HOXC6: variants seen among roughly 807,000 people sequenced by gnomAD.
The protein encoded by HOXC6 is homeobox C6, also known as homeobox protein Hox-C6.
HOXC6 carries 10 observed loss-of-function variants against 24.0 expected under a neutral mutation model. That is an observed-to-expected ratio of 0.42 (90% CI 0.26 to 0.71). HOXC6 has a LOEUF of 0.71. Ranked by LOEUF, HOXC6 falls within the 30% of genes least tolerant of loss-of-function variation. HOXC6 has a pLI of 0.28. For synonymous variants in HOXC6, 123 were observed against 128.1 expected (o/e 0.96, Z 0.27); for missense variants, 258 against 303.4 (o/e 0.85, Z 1.11).
At chr12:54,020,301 C>G (rs1940375865) in intron 1 of HOXC6, 1 of 152,278 alleles carries the variant, frequency 6.6e-6, no homozygotes, top group Admixed American at 6.5e-5. Context: ...TGGAGCCTCC[C>G]CCTCTGAGCC....
At position 54,029,683 on chromosome 12, in the gene HOXC6, C is replaced by T; in HGVS notation, c.429C>T (p.Arg143=). The part of the protein sequence containing the change: ...SGVGYGADRR[R]GRQIYSRYQT... ...TCGGCTACGGAGCGGACCGGAGGCG[C>T]GGCCGCCAGATCTACTCGCGGTACC... is the stretch of plus-strand genomic sequence containing the variant. The change falls in exon 2 of 2, where the codon CGC becomes CGT. Residue 143 remains arginine, a synonymous_variant. Transcript: ENST00000243108. 1 of 1,613,592 alleles carries T rather than the reference C, an allele frequency of 6.2e-7. No homozygotes were observed. Among genetic ancestry groups the T allele is most frequent in the South Asian group, 1.1e-5 (1 of 91,056 alleles).
chr12:54,020,007 C>G (rs555376134), intron 1 of HOXC6: 2 of 152,308 alleles, frequency 1.3e-5, no homozygotes, highest in Non-Finnish European at 2.9e-5. Flanking sequence ...CCAGTGGACT[C>G]CAACACCAAC....
upstream of HOXC6, among the ~76,000 whole-genome samples, chr12:54,026,110 C>G (rs1045070191): frequency 2.0e-5 from 3 of 152,148 alleles, no homozygotes; most frequent in African/African-American, 7.2e-5. Context: ...CTAGCAATCT[C>G]TCTCTGAAAT....
upstream of HOXC6, among the ~76,000 whole-genome samples, chr12:54,025,440 CG>C (rs1940648302): frequency 6.7e-6 from 1 of 150,014 alleles, no homozygotes; most frequent in Non-Finnish European, 1.5e-5. Context: ...CCCCTTGGAG[CG>C]AATCCTTTCA....
intron 1 of HOXC6, among the ~76,000 whole-genome samples, chr12:54,029,399 C>T: frequency 4.1e-5 from 2 of 49,124 alleles, no homozygotes; most frequent in African/African-American, 9.8e-5. Flanking sequence ...TTGCCTTTTG[C>T]CCCGCCCCCC....
chr12:54,025,446 C>G (rs1940648521), upstream of HOXC6, among the ~76,000 whole-genome samples: 1 of 150,590 alleles, frequency 6.6e-6, no homozygotes, highest in Non-Finnish European at 1.5e-5. Flanking sequence ...GGAGCGAATC[C>G]TTTCAGCAAA....
exon 1 of HOXC6, chr12:54,017,254 G>C (rs1394277172): frequency 3.3e-5 from 5 of 152,102 alleles, no homozygotes; most frequent in Admixed American, 6.6e-5. Flanking sequence ...TTGGCTTTTG[G>C]ATGATTATAA....
At chr12:54,017,425 C>G (rs1940203151) in intron 1 of HOXC6, 1 of 151,380 alleles carries the variant, frequency 6.6e-6, no homozygotes, top group Non-Finnish European at 1.5e-5. Context: ...GTAAGTGTTT[C>G]CTTATTGGTT....
upstream of HOXC6, among the ~76,000 whole-genome samples, chr12:54,027,384 A>C (rs1221094522): frequency 6.6e-6 from 1 of 152,166 alleles, no homozygotes; most frequent in Non-Finnish European, 1.5e-5. Flanking sequence ...TGACCAAGGC[A>C]GGGGCTTGAG....
chr12:54,029,203 G>GC (rs1024571922), intron 1 of HOXC6, among the ~76,000 whole-genome samples: 1 of 152,156 alleles, frequency 6.6e-6, no homozygotes, highest in Non-Finnish European at 1.5e-5. Context: ...AGATAGGGGA[G>GC]CCCCCCAAAG....
chr12:54,025,538 G>GC (rs1940658597), upstream of HOXC6, among the ~76,000 whole-genome samples: 1 of 74,126 alleles, frequency 1.3e-5, no homozygotes, highest in African/African-American at 5.8e-5. Flanking sequence ...GGGGGGGGGG[G>GC]AGGTGTTGAA....
rs1234645036 is a variant in HOXC6, at chr12:54,029,403, G to GC, written c.401-245dup. Among the ~76,000 whole-genome samples the GC allele has an allele frequency of 4.5e-3, 263 of 58,854 alleles. 6 individuals carry two copies. The highest frequency in any genetic ancestry group is 0.011 in the African/African-American group (166 of 15,750). 38.6% of individuals were successfully genotyped at this position (58,854 alleles called of 152,430 possible). On this transcript the variant is annotated intron_variant, in intron 1 of 1. Transcript: ENST00000243108. ...CAGCTTTCTGTTTGCCTTTTGCCCCGCCCCCCCGCCCCCCCCCCCACCACA... is the reference window on the plus strand; with the variant it reads ...CAGCTTTCTGTTTGCCTTTTGCCCCGCCCCCCCCGCCCCCCCCCCCACCACA...
Position 54,028,676 on chromosome 12 carries a change from C to T in HOXC6, c.155C>T (p.Thr52Ile). Residue 52 changes from threonine to isoleucine, a missense_variant, in exon 1 of 2, where the codon ACT (threonine) becomes ATT (isoleucine). Transcript: ENST00000243108. ...AAVAQNRIYS[T>I]PFYSPQENVV... is the part of the protein sequence containing the mutation. Reference sequence around the variant, plus strand: ...GTTGCCCAGAACCGGATCTACTCGACTCCCTTTTATTCGCCACAGGAGAAT... The same window carrying T: ...GTTGCCCAGAACCGGATCTACTCGATTCCCTTTTATTCGCCACAGGAGAAT... The T allele has an allele frequency of 6.2e-7, 1 of 1,614,158 alleles. No homozygotes were observed. Among genetic ancestry groups the T allele is most frequent in the Non-Finnish European group, 8.5e-7 (1 of 1,180,032 alleles).
upstream of HOXC6, chr12:54,028,274 A>T (rs1020158901): frequency 9.0e-4 from 230 of 254,746 alleles, 1 homozygote; most frequent in Middle Eastern, 2.8e-3. Context: ...TATATTTTTT[A>T]AAAGAAATCC....
Position 54,028,451 on chromosome 12 carries a change from G to A in HOXC6, c.-71G>A, listed in dbSNP as rs926252689. On this transcript the variant is annotated 5_prime_UTR_variant, in exon 1 of 2. Transcript: ENST00000243108. ...TTGGAGCCGTCCCTATAACCATCTA[G>A]TTCCGAGTACAAACTGGAGACAGAA... 3.3e-6 allele frequency: 5 copies of A among 1,518,072 alleles called. No individual in the cohort carries two copies. In the East Asian group the frequency reaches 9.0e-5, roughly 27 times the overall value. The allele number at this position is 1,518,072 out of a possible 1,614,324, so 94.0% of individuals were successfully genotyped here. A position where few individuals can be genotyped will look rare whatever the true frequency, so the allele number is the denominator to read the frequency against.
chr12:54,024,014 A>G (rs1376480868), upstream of HOXC6, among the ~76,000 whole-genome samples: 6 of 152,194 alleles, frequency 3.9e-5, no homozygotes, highest in Non-Finnish European at 8.8e-5. Flanking sequence ...AGTAGAATTT[A>G]TTTTTTAATT....
rs750347742 is a variant in HOXC6, at chr12:54,028,689, G to T, written c.168G>T (p.Ser56=). Residue 56 remains serine, a synonymous_variant, in exon 1 of 2, where the codon TCG becomes TCT. Transcript: ENST00000243108. ...QNRIYSTPFY[S]PQENVVFSSS... ...GGATCTACTCGACTCCCTTTTATTC[G>T]CCACAGGAGAATGTCGTGTTCAGTT... 2 of 1,613,810 alleles carry T rather than the reference G, an allele frequency of 1.2e-6. No individual in the cohort carries two copies. The highest frequency in any genetic ancestry group is 1.7e-6 in the Non-Finnish European group (2 of 1,179,996).
Position 54,030,012 on chromosome 12 carries a change from C to A in HOXC6, c.*50C>A. 1 of 1,415,274 alleles carries A rather than the reference C, an allele frequency of 7.1e-7. No homozygotes were observed. The highest frequency in any genetic ancestry group is 9.4e-7 in the Non-Finnish European group (1 of 1,058,666). 87.7% of individuals were successfully genotyped at this position (1,415,274 alleles called of 1,614,324 possible). On this transcript the variant is annotated 3_prime_UTR_variant, in exon 2 of 2. Coordinates refer to ENST00000243108, the MANE Select transcript of HOXC6 (RefSeq NM_004503.4). The stretch of plus-strand genomic sequence containing the variant: ...TCTCCCTTTCTCCCTCGCTCCCCAC[C>A]AACTCTCCCCTAATCACACACTCTG...
rs75240584 is a variant in HOXC6 at position 54,019,445 on chromosome 12, C to T, written c.-193+2031C>T. Among the ~76,000 whole-genome samples the T allele has an allele frequency of 3.9e-5, 6 of 152,154 alleles. No homozygotes were observed. The East Asian group carries it at 9.7e-4, about 25-fold the overall frequency. ...AGTGCGGTGGGACACAAGAGGGGCCCGAGAGGCCCGAAAAAGGGAGCCTTT... is the reference window on the plus strand; with the variant it reads ...AGTGCGGTGGGACACAAGAGGGGCCTGAGAGGCCCGAAAAAGGGAGCCTTT... On this transcript the variant is annotated intron_variant, in intron 1 of 2. Coordinates refer to the HOXC6 transcript ENST00000394331.
Sources: allele counts gnomAD v4.1 joint callset (sites outside exome capture counted in the v4.1 genomes callset), GRCh38; gene constraint gnomAD v4.1.1; transcripts MANE v1.5; gene names NCBI Gene and HGNC (gene_info 2026-07-23, HGNC 2026-07-21).